Variants in PLCD4 observed in about 807,000 individuals in gnomAD.
PLCD4 encodes 1-phosphatidylinositol 4,5-bisphosphate phosphodiesterase delta-4.
A neutral mutation model predicts 90.2 loss-of-function variants in PLCD4; 63 were observed. That is an observed-to-expected ratio of 0.70 (90% confidence interval 0.57 to 0.86). The LOEUF (loss-of-function observed/expected upper bound fraction) is 0.86, where lower values mean the gene tolerates loss of function less well. Ranked by LOEUF, PLCD4 falls within the 40% of genes least tolerant of loss-of-function variation. The pLI is 0.00. For synonymous variants in PLCD4, 294 were observed against 356.5 expected (o/e 0.82, Z 1.97); for missense variants, 830 against 956.3 (o/e 0.87, Z 1.74).
intron 6 of PLCD4, among the ~76,000 whole-genome samples, chr2:218,624,877 G>A (rs917579464): frequency 2.0e-5 from 3 of 151,722 alleles, no homozygotes; most frequent in African/African-American, 4.8e-5. Context: ...TTGGGAGGCC[G>A]AGGCAGGAGG....
intron 3 of PLCD4, among the ~76,000 whole-genome samples, chr2:218,616,917 TATATATATATAGAGAGAGAGAGAGAG>T (rs1483329098): frequency 8.1e-5 from 2 of 24,598 alleles, no homozygotes; most frequent in African/African-American, 2.8e-4. Context: ...TATATATATA[TATATATATATAGAGAGAGAGAGAGAG>T]AGAGAGAGAG....
At chr2:218,611,496 G>A (rs1695330951) in intron 1 of PLCD4, among the ~76,000 whole-genome samples, 1 of 152,168 alleles carries the variant, frequency 6.6e-6, no homozygotes, top group African/African-American at 2.4e-5. Context: ...GTGTCCCAGA[G>A]GTGGGAGCTA....
rs552091715 is a variant in PLCD4 at position 218,634,249 on chromosome 2, G to A, written c.1723+28G>A. On this transcript the variant is annotated intron_variant, in intron 12 of 15. Transcript: ENST00000450993. This position sits in a 1 kb window ranked among gnomAD's most constrained non-coding sequence, Gnocchi z 4.0. ...GAGGAGGCAGCAGGGACTGGGAAGA[G>A]GGAGTGGAGGAGCAGCAGGTGGGAA... 2.3e-5 allele frequency: 36 copies of A among 1,595,754 alleles called. No homozygotes were observed. In the African/African-American group the frequency reaches 4.4e-4, roughly 20 times the overall value.
At chr2:218,612,067 G>A (rs1174933880) in intron 1 of PLCD4, among the ~76,000 whole-genome samples, 1 of 151,750 alleles carries the variant, frequency 6.6e-6, no homozygotes, top group Non-Finnish European at 1.5e-5. Context: ...TAGCCACCAT[G>A]CCCAGCTAAT....
At chr2:218,630,858 C>A (rs1696331129) in intron 9 of PLCD4, 56 bp downstream of exon 9, 2 of 1,523,836 alleles carry the variant, frequency 1.3e-6, no homozygotes, top group Non-Finnish European at 1.8e-6. Context: ...ATTCCGCCAC[C>A]TGGGCTCCTT....
intron 9 of PLCD4, among the ~76,000 whole-genome samples, chr2:218,631,364 A>G (rs1454151080): frequency 6.6e-6 from 1 of 152,082 alleles, no homozygotes; most frequent in Admixed American, 6.5e-5. Context: ...AGATTTCACT[A>G]TGTTAGCCAG....
chr2:218,610,017 C>T (rs920514770), intron 1 of PLCD4: 1 of 152,568 alleles, frequency 6.6e-6, no homozygotes, highest in African/African-American at 2.4e-5. Flanking sequence ...CATGATGGCT[C>T]ACGCCTGTAA....
chr2:218,610,424 C>A (rs896941012), intron 1 of PLCD4, among the ~76,000 whole-genome samples: 1 of 152,056 alleles, frequency 6.6e-6, no homozygotes, highest in Non-Finnish European at 1.5e-5. Flanking sequence ...AGGAGAATCA[C>A]TTGAACCCAG....
chr2:218,618,514 C>T, intron 3 of PLCD4, 65 bp from the exon 4 acceptor site: 1 of 1,432,152 alleles, frequency 7.0e-7, no homozygotes. Context: ...TGGTCCTTCA[C>T]TCTTAGCCCC....
chr2:218,615,483 C>T (rs753924256), intron 1 of PLCD4, among the ~76,000 whole-genome samples: 39 of 152,046 alleles, frequency 2.6e-4, no homozygotes, highest in Non-Finnish European at 4.6e-4. Flanking sequence ...GGGTGCTGGG[C>T]GGAATCTTTG....
At chr2:218,609,067 C>G (rs1282674981) in intron 1 of PLCD4, among the ~76,000 whole-genome samples, 1 of 149,910 alleles carries the variant, frequency 6.7e-6, no homozygotes, top group Non-Finnish European at 1.5e-5. Flanking sequence ...GCGTGAACCC[C>G]GGGGGGCGGA....
rs1195821610 is a variant in PLCD4, at chr2:218,618,648, A to G, written c.251A>G (p.Glu84Gly). 1 of 1,613,984 alleles carries G rather than the reference A, an allele frequency of 6.2e-7. No individual in the cohort carries two copies. The highest frequency in any genetic ancestry group is 8.5e-7 in the Non-Finnish European group (1 of 1,179,896). Residue 84 changes from glutamate to glycine, a missense_variant, in exon 4 of 16, where the codon GAG (glutamate) becomes GGG (glycine). Transcript: ENST00000450993. ...DSELLRSLAE[E>G]LPLEQGFTIV... Reference sequence around the variant, plus strand: ...GAGTTGCTGCGTAGCCTGGCAGAGGAGCTCCCCCTGGAGCAGGGCTTCACC... The same window carrying G: ...GAGTTGCTGCGTAGCCTGGCAGAGGGGCTCCCCCTGGAGCAGGGCTTCACC...
intron 10 of PLCD4, 44 bp from the exon 11 acceptor site, chr2:218,633,561 G>C: frequency 1.9e-6 from 3 of 1,593,938 alleles, no homozygotes; most frequent in Non-Finnish European, 2.6e-6. Flanking sequence ...TTCTCTCTCA[G>C]ACTGCTGAGG....
chr2:218,620,032 C>T (rs575299694), intron 4 of PLCD4, among the ~76,000 whole-genome samples: 3 of 152,190 alleles, frequency 2.0e-5, no homozygotes, highest in East Asian at 3.9e-4. Context: ...CATGTGCCAC[C>T]GCACCTGGCT....
At chr2:218,629,464 TAGA>T in intron 7 of PLCD4, 52 bp from the exon 8 acceptor site, 1 of 1,594,836 alleles carries the variant, frequency 6.3e-7, no homozygotes, top group South Asian at 1.1e-5. Context: ...AGTCCCTAGG[TAGA>T]AGATCAGATA....
rs745856308 is a variant in PLCD4 at position 218,630,698 on chromosome 2, GAGC to G, written c.1177_1179del (p.Gln393del). ...GTCCCTGGAGACCCACTGCAGCTGG[GAGC>G]AGCAGCAGACCATGGCCCGTCATCT... is the stretch of plus-strand genomic sequence containing the variant. On this transcript the variant is annotated inframe_deletion, in exon 9 of 16. Transcript: ENST00000450993. The G allele has an allele frequency of 6.2e-7, 1 of 1,613,980 alleles. No homozygotes were observed. Among genetic ancestry groups the G allele is most frequent in the South Asian group, 1.1e-5 (1 of 91,084 alleles).
In PLCD4 at chr2:218,613,430, A is replaced by G. The variant is rs1010948361; in HGVS notation, c.-33-2277A>G. Among the ~76,000 whole-genome samples the G allele has an allele frequency of 4.0e-5, 6 of 149,668 alleles. No homozygotes were observed. In the Admixed American group the frequency reaches 4.0e-4, roughly 10 times the overall value. ...AAAAAAAAAGCACATAACATTTTTC[A>G]GGTAGAGATACCCTTTAAAAAAAAG... On this transcript the variant is annotated intron_variant, in intron 1 of 15. Transcript: ENST00000450993.
rs1435896572 is a variant in PLCD4 at position 218,612,687 on chromosome 2, G to T, written c.-33-3020G>T. On this transcript the variant is annotated intron_variant, in intron 1 of 15. Coordinates refer to ENST00000450993, the MANE Select transcript of PLCD4 (RefSeq NM_032726.4). ...CTCAGGAGGCTGAGGCAGGAGAATTGCTTGAACCTTGGAGGCAGAGGTTGC... is the reference window on the plus strand; with the variant it reads ...CTCAGGAGGCTGAGGCAGGAGAATTTCTTGAACCTTGGAGGCAGAGGTTGC... Among the ~76,000 whole-genome samples the T allele has an allele frequency of 2.0e-5, 3 of 152,318 alleles. No homozygotes were observed. The East Asian group carries it at 5.8e-4, about 29-fold the overall frequency.
chr2:218,620,527 A>G (rs1695825818), intron 4 of PLCD4, among the ~76,000 whole-genome samples: 1 of 150,932 alleles, frequency 6.6e-6, no homozygotes. Context: ...CTTTAATTAT[A>G]AAAGAATTTT....
Sources: gnomAD v4.1 joint callset for allele counts (sites outside exome capture counted in the v4.1 genomes callset) on GRCh38, gnomAD v4.1.1 for gene constraint, Gnocchi (gnomAD v3.1) non-coding constraint, MANE v1.5 for transcripts, NCBI Gene and HGNC (gene_info 2026-07-23, HGNC 2026-07-21) for gene names.